Variants in SLC24A1 observed in about 807,000 individuals in gnomAD.
SLC24A1 encodes solute carrier family 24 member 1, also known as sodium/potassium/calcium exchanger 1.
In SLC24A1, 52 loss-of-function variants were observed where a neutral mutation model predicts 88.1. That is an observed-to-expected ratio of 0.59 (90% CI 0.47 to 0.74). The LOEUF is 0.74. SLC24A1 is among the 30% of genes least tolerant of loss of function. The pLI is 0.00. For missense variants in SLC24A1, 1,173 were observed against 1,363.3 expected (o/e 0.86, Z 2.20); for synonymous variants, 455 against 498.0 (o/e 0.91, Z 1.15).
intron 2 of SLC24A1, among the ~76,000 whole-genome samples, chr15:65,614,082 GA>G (rs891135535): frequency 1.3e-4 from 20 of 151,902 alleles, no homozygotes; most frequent in African/African-American, 4.8e-4. Flanking sequence ...TCTGTCTTCT[GA>G]AAAAAAATTT....
chr15:65,621,440 G>T (rs62013122), upstream of SLC24A1, among the ~76,000 whole-genome samples: 9,503 of 152,164 alleles, frequency 0.062, 315 homozygotes, highest in African/African-American at 0.091. Flanking sequence ...ATAGATTTCA[G>T]GTATGAATTG....
chr15:65,635,372 C>T (rs1036170100), intron 2 of SLC24A1, among the ~76,000 whole-genome samples: 3 of 131,858 alleles, frequency 2.3e-5, no homozygotes, highest in East Asian at 2.5e-4. Flanking sequence ...CCCAGCTACT[C>T]GGGAGGCTGA....
At chr15:65,618,705 A>G (rs1319894420), upstream of SLC24A1, among the ~76,000 whole-genome samples, 4 of 152,246 alleles carry the variant, frequency 2.6e-5, no homozygotes, top group Non-Finnish European at 5.9e-5. Flanking sequence ...AAAAAAAGGT[A>G]TCTTGCTGTG....
intron 1 of SLC24A1, chr15:65,611,921 T>G (rs1055041498): frequency 6.6e-6 from 1 of 152,258 alleles, no homozygotes; most frequent in African/African-American, 2.4e-5. Context: ...TGTATATCCT[T>G]CTTAGCTGAC....
chr15:65,644,939 G>A (rs2075255952), intron 5 of SLC24A1, among the ~76,000 whole-genome samples: 1 of 152,204 alleles, frequency 6.6e-6, no homozygotes, highest in Non-Finnish European at 1.5e-5. Flanking sequence ...AGTGAGGGAA[G>A]GCTACCAGGG....
downstream of SLC24A1, chr15:65,660,721 G>A (rs959678911): frequency 6.4e-6 from 1 of 155,282 alleles, no homozygotes; most frequent in African/African-American, 2.4e-5. Flanking sequence ...TCTGAAGCTT[G>A]TTGAAAAAGC....
In SLC24A1 at chr15:65,650,582, G is replaced by A. The variant is rs1274007240; in HGVS notation, c.2433G>A (p.Glu811=). 1.9e-6 allele frequency: 3 copies of A among 1,551,808 alleles called. No individual in the cohort carries two copies. Among genetic ancestry groups the A allele is most frequent in the Admixed American group, 2.0e-5 (1 of 50,990 alleles). The change falls in exon 7 of 10, where the codon GAG becomes GAA. Residue 811 remains glutamate (E), a synonymous_variant. Coordinates refer to ENST00000261892, the MANE Select transcript of SLC24A1 (RefSeq NM_004727.3). This position sits in a 1 kb window ranked among gnomAD's most constrained non-coding sequence, Gnocchi z 4.1. ...AAGGAGACAATGAAGGTGAAGATGA[G>A]GGTGAAATCCACGCAGAAGATGGTG... ...EGKGDNEGED[E]GEIHAEDGEM...
intron 6 of SLC24A1, among the ~76,000 whole-genome samples, chr15:65,648,970 TAGTC>T (rs908141963): frequency 2.6e-5 from 4 of 152,260 alleles, no homozygotes; most frequent in Non-Finnish European, 4.4e-5. Context: ...TGTGTGGAGA[TAGTC>T]AGTGGTTCCC....
chr15:65,619,267 T>G (rs558578822), upstream of SLC24A1, among the ~76,000 whole-genome samples: 58 of 152,316 alleles, frequency 3.8e-4, no homozygotes, highest in African/African-American at 1.3e-3. Flanking sequence ...TGAGAGACCT[T>G]AGGCTTGCTC....
chr15:65,659,583 C>T (rs1487726825), downstream of SLC24A1: 1 of 152,072 alleles, frequency 6.6e-6, no homozygotes, highest in Non-Finnish European at 1.5e-5. Flanking sequence ...AGCAATCCTC[C>T]CTGCTTCAGC....
At chr15:65,634,319 G>A (rs1027867811) in intron 2 of SLC24A1, among the ~76,000 whole-genome samples, 12 of 152,196 alleles carry the variant, frequency 7.9e-5, no homozygotes, top group Non-Finnish European at 1.5e-4. Flanking sequence ...AGGAGGACAA[G>A]CCCACTAGGG....
At chr15:65,639,737 C>T (rs1165987946) in intron 4 of SLC24A1, 34 bp downstream of exon 4, 2 of 1,378,014 alleles carry the variant, frequency 1.5e-6, no homozygotes, top group East Asian at 4.8e-5. Flanking sequence ...TTGTGGTTTG[C>T]CCCATCCACT....
upstream of SLC24A1, among the ~76,000 whole-genome samples, chr15:65,618,337 T>C (rs1475767163): frequency 6.6e-6 from 1 of 152,228 alleles, no homozygotes; most frequent in African/African-American, 2.4e-5. Context: ...GCTTTTATTG[T>C]TATTGATTTA....
intron 4 of SLC24A1, among the ~76,000 whole-genome samples, chr15:65,643,583 C>T (rs922700106): frequency 6.6e-6 from 1 of 152,246 alleles, no homozygotes; most frequent in East Asian, 1.9e-4. Context: ...TCACCTCAGC[C>T]TTGTTCCTTC....
chr15:65,612,906 T>C (rs1469987403), intron 2 of SLC24A1, among the ~76,000 whole-genome samples: 1 of 152,168 alleles, frequency 6.6e-6, no homozygotes, highest in African/African-American at 2.4e-5. Flanking sequence ...AATCAATATA[T>C]TAAATTGATG....
At chr15:65,649,257 G>A (rs1274164733) in intron 6 of SLC24A1, among the ~76,000 whole-genome samples, 1 of 151,980 alleles carries the variant, frequency 6.6e-6, no homozygotes, top group Non-Finnish European at 1.5e-5. Context: ...CTGCCACCGC[G>A]CCCAGCTAAT....
At chr15:65,653,758 T>A in intron 9 of SLC24A1, 72 bp from the exon 10 acceptor site, 2 of 1,445,126 alleles carry the variant, frequency 1.4e-6, no homozygotes, top group East Asian at 2.3e-5. Flanking sequence ...TTGTAAAGTA[T>A]AAACTACTAT....
intron 4 of SLC24A1, among the ~76,000 whole-genome samples, chr15:65,641,361 TAAACAAAC>T (rs530631938): frequency 6.1e-5 from 9 of 146,658 alleles, no homozygotes; most frequent in East Asian, 5.1e-4. Context: ...CATCTCTAAA[TAAACAAAC>T]AAACAAACAA....
intron 3 of SLC24A1, among the ~76,000 whole-genome samples, chr15:65,639,039 TCAGAAGACCA>T (rs2075034748): frequency 6.6e-6 from 1 of 152,174 alleles, no homozygotes; most frequent in Non-Finnish European, 1.5e-5. Flanking sequence ...AAACTGGGAA[TCAGAAGACCA>T]CAGAAGACCT....
Sources: gnomAD v4.1 joint callset for allele counts (sites outside exome capture counted in the v4.1 genomes callset) on GRCh38, gnomAD v4.1.1 for gene constraint, Gnocchi (gnomAD v3.1) non-coding constraint, MANE v1.5 for transcripts, NCBI Gene and HGNC (gene_info 2026-07-23, HGNC 2026-07-21) for gene names.